SOX5: variants seen among roughly 807,000 people sequenced by gnomAD.
SOX5 encodes the protein SRY-box transcription factor 5, also known as transcription factor SOX-5.
Under a neutral mutation model 92.0 loss-of-function variants are expected in SOX5, and 9 were observed. That is an observed-to-expected ratio of 0.10 (90% confidence interval 0.06 to 0.17). The LOEUF is 0.17. SOX5 is among the 10% of genes least tolerant of loss of function. The probability of loss-of-function intolerance (pLI) is 1.00; values close to 1 mark genes in which losing one functional copy is unlikely to be tolerated. For synonymous variants in SOX5, 344 were observed against 336.3 expected (o/e 1.02, Z -0.25); for missense variants, 642 against 944.5 (o/e 0.68, Z 4.20).
In SOX5 at chr12:24,052,314, G is replaced by C. The variant is rs78504663; in HGVS notation, c.-1-156290C>G. Among the ~76,000 whole-genome samples the C allele has an allele frequency of 6.0e-3, 915 of 152,164 alleles. 10 individuals are homozygous for C. Among genetic ancestry groups the C allele is most frequent in the South Asian group, 0.034 (162 of 4,820 alleles). ...TTTTCACCTGACTTCTAACTTCTCA[G>C]GTCACAGAATAAGTGAAATAAATTT... is the stretch of plus-strand genomic sequence containing the variant. On this transcript the variant is annotated intron_variant, in intron 4 of 4. Coordinates refer to the SOX5 transcript ENST00000446891.
rs551748403 is a variant in SOX5 at position 23,640,244 on chromosome 12, C to T, written c.1017+568G>A. 1.3e-3 allele frequency among the ~76,000 whole-genome samples: 200 copies of T among 152,294 alleles called. 1 individual carries two copies. Among genetic ancestry groups the T allele is most frequent in the African/African-American group, 4.4e-3 (183 of 41,564 alleles). ...CTGGTAAAGTTATCGTTGACATTCTCGGATTATAGGAATATATATTTCGCA... is the reference window on the plus strand; with the variant it reads ...CTGGTAAAGTTATCGTTGACATTCTTGGATTATAGGAATATATATTTCGCA... On this transcript the variant is annotated intron_variant, in intron 8 of 14. Coordinates refer to ENST00000451604, the MANE Select transcript of SOX5 (RefSeq NM_006940.6).
At chr12:24,239,621 A>C (rs1460905200) in intron 3 of SOX5, among the ~76,000 whole-genome samples, 1 of 152,196 alleles carries the variant, frequency 6.6e-6, no homozygotes, top group South Asian at 2.1e-4. Flanking sequence ...TGGAGCTACA[A>C]TTATCTGGTC....
At chr12:24,342,594 G>C (rs1007686587) in intron 2 of SOX5, among the ~76,000 whole-genome samples, 5 of 152,002 alleles carry the variant, frequency 3.3e-5, no homozygotes, top group African/African-American at 1.2e-4. Context: ...ATAAATCATA[G>C]ATCCTTAAGA....
At position 24,051,848 on chromosome 12, in the gene SOX5, T is replaced by A. The variant is rs1162257714; in HGVS notation, c.-1-155824A>T. On this transcript the variant is annotated intron_variant, in intron 4 of 4. Transcript: ENST00000446891. ...CAAACTAGGACATGTTTACTGTCTC[T>A]TCTTAGTAATCTGTTATACACTGTT... Among the ~76,000 whole-genome samples the A allele has an allele frequency of 3.3e-5, 5 of 152,224 alleles. No homozygotes were observed. In the East Asian group the frequency reaches 9.6e-4, roughly 29 times the overall value.
intron 4 of SOX5, among the ~76,000 whole-genome samples, chr12:23,976,894 A>T (rs1948986901): frequency 6.6e-6 from 1 of 152,134 alleles, no homozygotes; most frequent in Admixed American, 6.5e-5. Context: ...AGAAGAATAG[A>T]ATAAACTGTG....
chr12:23,866,226 T>C (rs2096811678), intron 2 of SOX5, among the ~76,000 whole-genome samples: 1 of 152,190 alleles, frequency 6.6e-6, no homozygotes, highest in Non-Finnish European at 1.5e-5. Flanking sequence ...CATATGCATA[T>C]ACAAAGGAAA....
At chr12:24,307,589 G>A (rs144211351) in intron 2 of SOX5, among the ~76,000 whole-genome samples, 801 of 58,864 alleles carry the variant, frequency 0.014, 190 homozygotes, top group African/African-American at 0.032. Flanking sequence ...CTCTCAAGTC[G>A]CCCATTTGGC....
intron 12 of SOX5, among the ~76,000 whole-genome samples, chr12:23,544,192 A>G (rs997450510): frequency 6.6e-6 from 1 of 152,352 alleles, no homozygotes. Context: ...AGATTCACAG[A>G]TGATAAAACA....
intron 6 of SOX5, among the ~76,000 whole-genome samples, chr12:23,706,758 C>T (rs2091441045): frequency 6.6e-6 from 1 of 151,728 alleles, no homozygotes; most frequent in South Asian, 2.1e-4. Flanking sequence ...AAATATTAAC[C>T]ATAGAGAACT....
At chr12:23,851,191 T>C (rs2096629835) in intron 2 of SOX5, among the ~76,000 whole-genome samples, 1 of 152,128 alleles carries the variant, frequency 6.6e-6, no homozygotes, top group South Asian at 2.1e-4. Context: ...AAGATAAGCA[T>C]TTAGAAAGAG....
intron 4 of SOX5, among the ~76,000 whole-genome samples, chr12:24,194,409 G>GTAGA (rs1956812118): frequency 3.6e-5 from 5 of 137,460 alleles, no homozygotes; most frequent in Admixed American, 3.6e-4. Flanking sequence ...ATCTAGATAG[G>GTAGA]TAGGTAGGTA....
At chr12:23,819,828 CAT>C (rs1004919415) in intron 3 of SOX5, among the ~76,000 whole-genome samples, 10 of 152,132 alleles carry the variant, frequency 6.6e-5, no homozygotes, top group African/African-American at 2.4e-4. Flanking sequence ...TCCAGTCTAA[CAT>C]TGATGGGCAT....
chr12:23,957,705 G>A (rs12821535), intron 4 of SOX5, among the ~76,000 whole-genome samples: 1 of 151,948 alleles, frequency 6.6e-6, no homozygotes. Flanking sequence ...TAAAATGACT[G>A]ACTGCCACAA....
At chr12:24,212,028 G>C (rs959111346) in intron 4 of SOX5, among the ~76,000 whole-genome samples, 15 of 152,164 alleles carry the variant, frequency 9.9e-5, no homozygotes, top group Admixed American at 6.5e-5. Flanking sequence ...CTTTATCAAA[G>C]TATCATTGAA....
chr12:23,761,578 C>T (rs930769603), intron 3 of SOX5, among the ~76,000 whole-genome samples: 57 of 152,112 alleles, frequency 3.7e-4, no homozygotes, highest in African/African-American at 1.2e-3. Flanking sequence ...TGCTAAATAA[C>T]TTGCCTAATA....
At chr12:24,326,849 T>G (rs1950761719) in intron 2 of SOX5, among the ~76,000 whole-genome samples, 1 of 147,758 alleles carries the variant, frequency 6.8e-6, no homozygotes, top group Non-Finnish European at 1.5e-5. Flanking sequence ...CACACACACG[T>G]GCAACCTGTC....
At chr12:23,835,344 G>A (rs1305620536) in intron 3 of SOX5, among the ~76,000 whole-genome samples, 1 of 151,812 alleles carries the variant, frequency 6.6e-6, no homozygotes, top group African/African-American at 2.4e-5. Flanking sequence ...ATGGATTCTT[G>A]CTTTAGATTT....
chr12:23,939,196 T>C (rs756924427), intron 1 of SOX5, among the ~76,000 whole-genome samples: 19 of 151,134 alleles, frequency 1.3e-4, no homozygotes, highest in South Asian at 6.2e-4. Flanking sequence ...TTAGAAACTG[T>C]AGGAACATAT....
At chr12:23,794,163 A>G (rs1489275650) in intron 3 of SOX5, among the ~76,000 whole-genome samples, 1 of 152,132 alleles carries the variant, frequency 6.6e-6, no homozygotes, top group Non-Finnish European at 1.5e-5. Context: ...TATGATATGA[A>G]GAGTTTTATT....
Sources: allele counts gnomAD v4.1 joint callset (sites outside exome capture counted in the v4.1 genomes callset), GRCh38; gene constraint gnomAD v4.1.1; transcripts MANE v1.5; gene names NCBI Gene and HGNC (gene_info 2026-07-23, HGNC 2026-07-21).